The following DGKB variants were observed in gnomAD, a reference collection of about 807,000 sequenced individuals.
The protein encoded by DGKB is diacylglycerol kinase beta.
In DGKB, 67 loss-of-function variants were observed where a neutral mutation model predicts 114.3. The observed-to-expected ratio is 0.59, with a 90% CI of 0.48 to 0.72. The LOEUF is 0.72. DGKB is among the 30% of genes least tolerant of loss of function. The probability of loss-of-function intolerance (pLI) is 0.00; values close to 1 mark genes in which losing one functional copy is unlikely to be tolerated. For synonymous variants in DGKB, 398 were observed against 323.1 expected, an observed-to-expected ratio of 1.23 and a Z score of -2.49; for missense variants, 907 against 975.2, an observed-to-expected ratio of 0.93 and a Z score of 0.93.
chr7:14,874,625 G>C (rs1414774649), intron 1 of DGKB, among the ~76,000 whole-genome samples: 1 of 151,882 alleles, frequency 6.6e-6, no homozygotes, highest in African/African-American at 2.4e-5. Flanking sequence ...AAATGGGGTA[G>C]TTAATATGTT....
chr7:14,481,129 C>T lies in DGKB; in HGVS notation c.1771-2904G>A, dbSNP rs530382648. On this transcript the variant is annotated intron_variant, in intron 20 of 25. Transcript: ENST00000402815. The stretch of plus-strand genomic sequence containing the variant: ...ATGTAATTAGCAACTTTTCTTGCTA[C>T]GTGTACATATATAAGTATATGCAAA... 6.6e-5 allele frequency among the ~76,000 whole-genome samples: 10 copies of T among 151,904 alleles called. No homozygotes were observed. The South Asian group carries it at 1.0e-3, about 16-fold the overall frequency.
At chr7:14,722,608 T>C (rs1439123143) in intron 5 of DGKB, among the ~76,000 whole-genome samples, 1 of 152,052 alleles carries the variant, frequency 6.6e-6, no homozygotes, top group Non-Finnish European at 1.5e-5. Context: ...GGTGAAGAGA[T>C]CGAGAACATC....
intron 5 of DGKB, among the ~76,000 whole-genome samples, chr7:14,723,269 G>T (rs1330360013): frequency 6.6e-6 from 1 of 152,128 alleles, no homozygotes; most frequent in Admixed American, 6.5e-5. Context: ...CTTTCTAGCA[G>T]CAATAGCCTC....
chr7:14,737,552 G>C (rs1831916346), intron 4 of DGKB, among the ~76,000 whole-genome samples: 1 of 151,914 alleles, frequency 6.6e-6, no homozygotes, highest in Non-Finnish European at 1.5e-5. Flanking sequence ...AATTTTTATA[G>C]ATTTGATCAT....
intron 12 of DGKB, among the ~76,000 whole-genome samples, chr7:14,678,687 A>C (rs531513582): frequency 6.6e-6 from 1 of 152,144 alleles, no homozygotes; most frequent in Admixed American, 6.6e-5. Flanking sequence ...ACAAACTAGT[A>C]TTTTCAGAAG....
intron 20 of DGKB, among the ~76,000 whole-genome samples, chr7:14,568,173 T>C (rs1200104413): frequency 6.6e-6 from 1 of 152,176 alleles, no homozygotes; most frequent in African/African-American, 2.4e-5. Context: ...ATCATTTTCA[T>C]TGCTAATCCT....
chr7:14,898,665 C>T (rs1782497203), intron 1 of DGKB, among the ~76,000 whole-genome samples: 1 of 151,994 alleles, frequency 6.6e-6, no homozygotes, highest in South Asian at 2.1e-4. Flanking sequence ...AACTCTATTC[C>T]CAACCCCAAC....
At chr7:14,882,824 T>TTTATC (rs199758325) in intron 1 of DGKB, among the ~76,000 whole-genome samples, 6 of 152,050 alleles carry the variant, frequency 3.9e-5, no homozygotes, top group Non-Finnish European at 7.4e-5. Flanking sequence ...CCACATTTTC[T>TTTATC]TTATCTTATC....
chr7:14,875,160 A>AACAATT (rs1853085387), intron 1 of DGKB, among the ~76,000 whole-genome samples: 1 of 152,096 alleles, frequency 6.6e-6, no homozygotes, highest in Non-Finnish European at 1.5e-5. Flanking sequence ...CAATAACAAT[A>AACAATT]ACTGATCAGT....
At chr7:14,293,103 T>C (rs1024015789) in intron 23 of DGKB, among the ~76,000 whole-genome samples, 17 of 152,212 alleles carry the variant, frequency 1.1e-4, no homozygotes, top group Admixed American at 1.0e-3. Flanking sequence ...ATATTCTTTA[T>C]ATTTTACTTA....
At chr7:14,705,911 C>T (rs547671413) in intron 6 of DGKB, among the ~76,000 whole-genome samples, 4,826 of 151,762 alleles carry the variant, frequency 0.032, 93 homozygotes, top group Non-Finnish European at 0.039. Flanking sequence ...CATCAAATAA[C>T]GAGCAAAATC....
At chr7:14,558,904 C>G (rs1235286652) in intron 20 of DGKB, among the ~76,000 whole-genome samples, 1 of 152,212 alleles carries the variant, frequency 6.6e-6, no homozygotes, top group Non-Finnish European at 1.5e-5. Flanking sequence ...AAGGCTCTAA[C>G]AAAGCCAAAA....
At chr7:14,616,311 T>C (rs1297641116) in intron 15 of DGKB, among the ~76,000 whole-genome samples, 1 of 150,858 alleles carries the variant, frequency 6.6e-6, no homozygotes, top group East Asian at 1.9e-4. Context: ...AAAACTATTA[T>C]TGGGACAACT....
chr7:14,430,102 A>C (rs953111996), intron 21 of DGKB, among the ~76,000 whole-genome samples: 1 of 152,034 alleles, frequency 6.6e-6, no homozygotes, highest in Non-Finnish European at 1.5e-5. Context: ...GTTGTTATTA[A>C]AGTACATAGT....
At chr7:14,866,201 C>A (rs1851686452) in intron 1 of DGKB, among the ~76,000 whole-genome samples, 1 of 152,156 alleles carries the variant, frequency 6.6e-6, no homozygotes, top group Admixed American at 6.5e-5. Flanking sequence ...AGCTTCCACT[C>A]TTTTTAAAAT....
intron 6 of DGKB, among the ~76,000 whole-genome samples, chr7:14,712,998 C>T (rs945418895): frequency 1.3e-5 from 2 of 152,082 alleles, no homozygotes; most frequent in Non-Finnish European, 2.9e-5. Context: ...ATTCTGACAA[C>T]ACGACAGCTT....
intron 2 of DGKB, among the ~76,000 whole-genome samples, chr7:14,792,706 A>C (rs1452990399): frequency 6.8e-6 from 1 of 146,918 alleles, no homozygotes; most frequent in East Asian, 2.0e-4. Flanking sequence ...TTGCTTGCTT[A>C]ATATAGTTAC....
chr7:14,803,088 AC>A (rs1842380175), intron 2 of DGKB, among the ~76,000 whole-genome samples: 1 of 151,762 alleles, frequency 6.6e-6, no homozygotes. Context: ...ATTTGCACAA[AC>A]TTTTTTTTTT....
chr7:14,617,795 A>G (rs958917698), intron 15 of DGKB, among the ~76,000 whole-genome samples: 2 of 151,528 alleles, frequency 1.3e-5, no homozygotes, highest in African/African-American at 4.8e-5. Context: ...CATTCCCCAT[A>G]TATCCAAATG....
Sources: gnomAD v4.1 joint callset for allele counts (sites outside exome capture counted in the v4.1 genomes callset) on GRCh38, gnomAD v4.1.1 for gene constraint, MANE v1.5 for transcripts, NCBI Gene and HGNC (gene_info 2026-07-23, HGNC 2026-07-21) for gene names.